The following SORCS1 variants were observed in gnomAD, a reference collection of about 807,000 sequenced individuals.
SORCS1 encodes sortilin related VPS10 domain containing receptor 1, also known as VPS10 domain-containing receptor SorCS1.
Under a neutral mutation model 146.1 loss-of-function variants are expected in SORCS1, and 60 were observed. The observed-to-expected ratio is 0.41, with a 90% CI of 0.33 to 0.51. The LOEUF (loss-of-function observed/expected upper bound fraction) is 0.51, where lower values mean the gene tolerates loss of function less well. SORCS1 is among the 20% of genes least tolerant of loss of function. SORCS1 has a pLI of 0.21. For synonymous variants in SORCS1, 637 were observed against 584.0 expected (o/e 1.09, Z -1.31); for missense variants, 1,352 against 1,487.6 (o/e 0.91, Z 1.50).
At chr10:106,759,889 A>G (rs1319091055) in intron 5 of SORCS1, among the ~76,000 whole-genome samples, 1 of 145,366 alleles carries the variant, frequency 6.9e-6, no homozygotes, top group African/African-American at 2.6e-5. Flanking sequence ...TTAACTAAAA[A>G]TAATGATATA....
At chr10:106,671,036 T>A (rs920474826) in intron 16 of SORCS1, among the ~76,000 whole-genome samples, 1 of 152,202 alleles carries the variant, frequency 6.6e-6, no homozygotes, top group African/African-American at 2.4e-5. Context: ...ATCTTCCGAG[T>A]CCTCTTTCAG....
Position 106,956,590 on chromosome 10 carries a change from A to G in SORCS1, c.559-10T>C. On this transcript the variant is annotated splice_polypyrimidine_tract_variant and intron_variant, in intron 1 of 25. Transcript: ENST00000263054. Reference sequence around the variant, plus strand: ...TCAAAATGAGAATCACCTGAAGGCAAAAGAAGAAATCATGGTTAGTCTCAA... The same window carrying G: ...TCAAAATGAGAATCACCTGAAGGCAGAAGAAGAAATCATGGTTAGTCTCAA... 1 of 1,613,586 alleles carries G rather than the reference A, an allele frequency of 6.2e-7. No individual in the cohort carries two copies. The highest frequency in any genetic ancestry group is 8.5e-7 in the Non-Finnish European group (1 of 1,179,582).
chr10:107,010,775 T>C (rs17121916), intron 1 of SORCS1, among the ~76,000 whole-genome samples: 4,153 of 152,272 alleles, frequency 0.027, 177 homozygotes, highest in African/African-American at 0.094. Context: ...CAGCTTCCAA[T>C]GGAGATAACA....
intron 2 of SORCS1, among the ~76,000 whole-genome samples, chr10:106,873,046 C>T (rs1447244296): frequency 1.3e-5 from 2 of 152,074 alleles, no homozygotes; most frequent in Non-Finnish European, 2.9e-5. Flanking sequence ...TGGTGGCAAG[C>T]ACCTGTAGTC....
At chr10:106,932,110 A>G (rs1953451025) in intron 2 of SORCS1, among the ~76,000 whole-genome samples, 1 of 152,126 alleles carries the variant, frequency 6.6e-6, no homozygotes, top group Admixed American at 6.5e-5. Context: ...TCATTAGTCA[A>G]TTTGATCCCC....
intron 1 of SORCS1, among the ~76,000 whole-genome samples, chr10:106,976,304 A>C (rs1305372125): frequency 1.4e-5 from 2 of 144,036 alleles, no homozygotes; most frequent in African/African-American, 5.1e-5. Flanking sequence ...GGTTTGCTGC[A>C]CCTATCAACT....
chr10:106,803,182 A>G (rs928998489), intron 3 of SORCS1, among the ~76,000 whole-genome samples: 1 of 152,194 alleles, frequency 6.6e-6, no homozygotes, highest in Non-Finnish European at 1.5e-5. Flanking sequence ...CCAGCTTGCA[A>G]TATTTATAAG....
intron 1 of SORCS1, among the ~76,000 whole-genome samples, chr10:107,088,534 T>G (rs1025937182): frequency 6.6e-6 from 1 of 152,142 alleles, no homozygotes; most frequent in African/African-American, 2.4e-5. Context: ...ATAACGCAAA[T>G]GGATACGGCA....
intron 1 of SORCS1, among the ~76,000 whole-genome samples, chr10:106,981,976 A>T (rs1293687810): frequency 6.6e-6 from 1 of 152,176 alleles, no homozygotes; most frequent in African/African-American, 2.4e-5. Context: ...CACCCATTCA[A>T]ACATATTGAC....
chr10:106,736,602 T>TAAAA (rs10684476), intron 5 of SORCS1, among the ~76,000 whole-genome samples: 11 of 38,758 alleles, frequency 2.8e-4, no homozygotes, highest in Admixed American at 1.0e-3. Context: ...TAACCCTGGT[T>TAAAA]AAAAAAAAAA....
At chr10:107,125,219 G>T (rs1966648065) in intron 1 of SORCS1, among the ~76,000 whole-genome samples, 1 of 152,038 alleles carries the variant, frequency 6.6e-6, no homozygotes, top group African/African-American at 2.4e-5. Context: ...AAAAAGTGCT[G>T]GGATTACAGG....
intron 1 of SORCS1, among the ~76,000 whole-genome samples, chr10:107,042,220 T>C (rs992393741): frequency 1.3e-5 from 2 of 152,186 alleles, no homozygotes; most frequent in East Asian, 3.9e-4. Context: ...TGTCTTTGAG[T>C]CTGGTGTAAT....
At chr10:107,016,005 T>C (rs1957881707) in intron 1 of SORCS1, among the ~76,000 whole-genome samples, 1 of 152,166 alleles carries the variant, frequency 6.6e-6, no homozygotes, top group African/African-American at 2.4e-5. Flanking sequence ...AAAAATAGAC[T>C]ATTAGCAATC....
At chr10:107,026,669 A>C (rs559282068) in intron 1 of SORCS1, among the ~76,000 whole-genome samples, 1 of 152,050 alleles carries the variant, frequency 6.6e-6, no homozygotes, top group African/African-American at 2.4e-5. Context: ...ACGCAGAGAA[A>C]GAGAGAAGAA....
At chr10:107,012,644 C>G (rs945292517) in intron 1 of SORCS1, among the ~76,000 whole-genome samples, 2 of 152,098 alleles carry the variant, frequency 1.3e-5, no homozygotes, top group African/African-American at 4.8e-5. Flanking sequence ...ATGGAACAAT[C>G]AGAATTGGAA....
chr10:107,129,187 G>A lies in SORCS1; in HGVS notation c.558+34782C>T, dbSNP rs558030050. On this transcript the variant is annotated intron_variant, in intron 1 of 25. Coordinates refer to ENST00000263054, the MANE Select transcript of SORCS1 (RefSeq NM_052918.5). Reference sequence around the variant, plus strand: ...CTGAAGTACCACATGCATGATAATAGCTGTCTAGATACAGCAAATAGATAT... The same window carrying A: ...CTGAAGTACCACATGCATGATAATAACTGTCTAGATACAGCAAATAGATAT... 2.6e-5 allele frequency among the ~76,000 whole-genome samples: 4 copies of A among 152,290 alleles called. No individual in the cohort carries two copies. The South Asian group carries it at 8.3e-4, about 32-fold the overall frequency.
chr10:107,175,423 C>T, the SORCS1 span, among the ~76,000 whole-genome samples: 2 of 151,860 alleles, frequency 1.3e-5, no homozygotes, highest in African/African-American at 2.4e-5. Context: ...TATTTATCAA[C>T]CTATTTAGAT....
the SORCS1 span, among the ~76,000 whole-genome samples, chr10:107,170,713 G>A: frequency 6.6e-6 from 1 of 152,186 alleles, no homozygotes; most frequent in African/African-American, 2.4e-5. Context: ...ACTATTTTAT[G>A]CTGCTTCCCA....
intron 1 of SORCS1, among the ~76,000 whole-genome samples, chr10:107,075,334 G>A (rs1962781902): frequency 6.6e-6 from 1 of 152,154 alleles, no homozygotes; most frequent in Admixed American, 6.6e-5. Flanking sequence ...ACTTTTGTAT[G>A]ATGAAACGGA....
Sources: allele counts gnomAD v4.1 joint callset (sites outside exome capture counted in the v4.1 genomes callset), GRCh38; gene constraint gnomAD v4.1.1; transcripts MANE v1.5; gene names NCBI Gene and HGNC (gene_info 2026-07-23, HGNC 2026-07-21).